The following RPH3A variants were observed in gnomAD, a reference collection of about 807,000 sequenced individuals.
The protein encoded by RPH3A is rabphilin-3A.
RPH3A carries 48 observed loss-of-function variants against 102.2 expected under a neutral mutation model. The ratio of observed to expected loss-of-function variants is 0.47; its 90% CI spans 0.37 to 0.60. RPH3A has a LOEUF of 0.60. Among genes scored for constraint, RPH3A ranks in the 20% least tolerant of loss-of-function variants. The pLI, the probability that RPH3A is intolerant of heterozygous loss-of-function variation, is 0.00. For synonymous variants in RPH3A, 310 were observed against 324.3 expected (o/e 0.96, Z 0.47); for missense variants, 781 against 910.1 (o/e 0.86, Z 1.83).
At chr12:112,748,852 C>T (rs1031734140) in intron 1 of RPH3A, among the ~76,000 whole-genome samples, 2 of 152,066 alleles carry the variant, frequency 1.3e-5, no homozygotes, top group Non-Finnish European at 2.9e-5. Flanking sequence ...TGGGAGATGA[C>T]ATGTTTTGTT....
chr12:112,842,595 G>T (rs1302295103), intron 4 of RPH3A, among the ~76,000 whole-genome samples: 1 of 152,214 alleles, frequency 6.6e-6, no homozygotes, highest in African/African-American at 2.4e-5. Context: ...CAGCCACCAG[G>T]TCTGCTTAGG....
intron 1 of RPH3A, among the ~76,000 whole-genome samples, chr12:112,640,690 T>G (rs1406321553): frequency 6.6e-6 from 1 of 152,164 alleles, no homozygotes; most frequent in Non-Finnish European, 1.5e-5. Flanking sequence ...GGTAGGGGAT[T>G]GTGGCCACGG....
chr12:112,642,335 C>T (rs780836296), intron 1 of RPH3A, among the ~76,000 whole-genome samples: 25 of 152,106 alleles, frequency 1.6e-4, no homozygotes, highest in Admixed American at 1.3e-4. Flanking sequence ...TTAAATTGTG[C>T]AAAGTCATAC....
Position 112,869,812 on chromosome 12 carries a change from C to A in RPH3A, c.649+15C>A. The A allele has an allele frequency of 1.2e-6, 2 of 1,614,156 alleles. No homozygotes were observed. Among genetic ancestry groups the A allele is most frequent in the Non-Finnish European group, 1.7e-6 (2 of 1,180,018 alleles). On this transcript the variant is annotated intron_variant, in intron 9 of 21. Transcript: ENST00000389385. ...TCAGAAGACAGGTGGGTTCTGCTGA[C>A]TCTGTTTTGTCATTTGAGACACGAA...
intron 1 of RPH3A, among the ~76,000 whole-genome samples, chr12:112,752,217 C>A (rs1238192465): frequency 1.3e-5 from 2 of 152,118 alleles, no homozygotes; most frequent in African/African-American, 2.4e-5. Flanking sequence ...TTATTAAATG[C>A]CCCTCAGTTT....
At chr12:112,788,729 A>G (rs2041067467), upstream of RPH3A, among the ~76,000 whole-genome samples, 1 of 152,208 alleles carries the variant, frequency 6.6e-6, no homozygotes, top group Non-Finnish European at 1.5e-5. Context: ...ATACATGCCT[A>G]ATGGCTGGGG....
chr12:112,727,424 T>TAC (rs1244262248), intron 1 of RPH3A, among the ~76,000 whole-genome samples: 2 of 123,032 alleles, frequency 1.6e-5, no homozygotes, highest in Non-Finnish European at 3.3e-5. Flanking sequence ...TATATATACA[T>TAC]ACACACACAC....
chr12:112,629,985 T>C (rs1478919838), intron 1 of RPH3A, among the ~76,000 whole-genome samples: 1 of 152,008 alleles, frequency 6.6e-6, no homozygotes, highest in East Asian at 1.9e-4. Flanking sequence ...TAGGAAGATA[T>C]AGAGAAAGAT....
chr12:112,790,092 C>T (rs1407837046), upstream of RPH3A, among the ~76,000 whole-genome samples: 3 of 151,582 alleles, frequency 2.0e-5, no homozygotes, highest in Admixed American at 6.6e-5. Flanking sequence ...GTTTCACTCT[C>T]GTTGCCCAGG....
chr12:112,887,033 G>T (rs779793549), intron 16 of RPH3A, among the ~76,000 whole-genome samples: 37 of 152,198 alleles, frequency 2.4e-4, no homozygotes, highest in Non-Finnish European at 4.4e-4. Context: ...AGAGTGACCA[G>T]AACCTTTATA....
At chr12:112,713,023 C>T (rs146203176) in intron 1 of RPH3A, among the ~76,000 whole-genome samples, 2,134 of 52,338 alleles carry the variant, frequency 0.041, 145 homozygotes, top group African/African-American at 0.099. Flanking sequence ...CTTCCTCTTC[C>T]TCTTCTTCTT....
At chr12:112,740,602 G>A (rs1439319083) in intron 1 of RPH3A, among the ~76,000 whole-genome samples, 1 of 152,152 alleles carries the variant, frequency 6.6e-6, no homozygotes, top group Non-Finnish European at 1.5e-5. Context: ...GAAAGCCTCT[G>A]TGTCATCATG....
At chr12:112,599,108 A>G (rs1263178454) in intron 1 of RPH3A, among the ~76,000 whole-genome samples, 1 of 152,212 alleles carries the variant, frequency 6.6e-6, no homozygotes, top group Non-Finnish European at 1.5e-5. Flanking sequence ...CCTGCTGCAT[A>G]GGCTTTGACA....
chr12:112,788,438 A>T (rs1392219827), upstream of RPH3A, among the ~76,000 whole-genome samples: 2 of 152,312 alleles, frequency 1.3e-5, no homozygotes, highest in South Asian at 4.1e-4. Flanking sequence ...TGACAGGGTC[A>T]TGAAAACACA....
intron 1 of RPH3A, among the ~76,000 whole-genome samples, chr12:112,601,250 T>C (rs2039557099): frequency 6.6e-6 from 1 of 152,232 alleles, no homozygotes; most frequent in Non-Finnish European, 1.5e-5. Flanking sequence ...TTAACTTTTA[T>C]TATTATCTTC....
At chr12:112,883,704 G>A (rs2042962616) in intron 16 of RPH3A, among the ~76,000 whole-genome samples, 1 of 152,082 alleles carries the variant, frequency 6.6e-6, no homozygotes, top group Non-Finnish European at 1.5e-5. Flanking sequence ...ATAAAATTGA[G>A]TGCTTATAAA....
intron 4 of RPH3A, among the ~76,000 whole-genome samples, chr12:112,846,430 C>A (rs2042229644): frequency 6.6e-6 from 1 of 152,244 alleles, no homozygotes; most frequent in African/African-American, 2.4e-5. Context: ...GGAAACAAGA[C>A]TTGCCCCAAG....
At chr12:112,703,287 A>T (rs930438056) in intron 1 of RPH3A, among the ~76,000 whole-genome samples, 1 of 152,246 alleles carries the variant, frequency 6.6e-6, no homozygotes, top group African/African-American at 2.4e-5. Context: ...TTTGTTACAC[A>T]GCATATTGTG....
At chr12:112,788,788 A>G (rs2041067992), upstream of RPH3A, among the ~76,000 whole-genome samples, 1 of 152,146 alleles carries the variant, frequency 6.6e-6, no homozygotes, top group African/African-American at 2.4e-5. Flanking sequence ...CCTGGGAACT[A>G]CTTGGGTTCT....
Sources: allele counts gnomAD v4.1 joint callset (sites outside exome capture counted in the v4.1 genomes callset), GRCh38; gene constraint gnomAD v4.1.1; transcripts MANE v1.5; gene names NCBI Gene and HGNC (gene_info 2026-07-23, HGNC 2026-07-21).